Variants in LCORL observed in about 807,000 individuals in gnomAD.
LCORL encodes the protein ligand dependent nuclear receptor corepressor like.
Under a neutral mutation model 141.8 loss-of-function variants are expected in LCORL, and 41 were observed. That is an observed-to-expected ratio of 0.29 (90% CI 0.23 to 0.38). LCORL has a LOEUF of 0.38. LCORL is among the 10% of genes least tolerant of loss of function. The pLI is 1.00. For synonymous variants in LCORL, 618 were observed against 694.1 expected (o/e 0.89, Z 1.72); for missense variants, 1,759 against 2,035.0 (o/e 0.86, Z 2.61).
At chr4:18,017,419 T>C (rs955704907) in intron 1 of LCORL, among the ~76,000 whole-genome samples, 1 of 152,104 alleles carries the variant, frequency 6.6e-6, no homozygotes, top group South Asian at 2.1e-4. Flanking sequence ...CAGGGATACA[T>C]ATGAGGAATA....
At chr4:17,848,888 T>A (rs1723264095) in intron 7 of LCORL, among the ~76,000 whole-genome samples, 2 of 152,220 alleles carry the variant, frequency 1.3e-5, no homozygotes, top group African/African-American at 4.8e-5. Context: ...ATCCCACACC[T>A]GGCTCGGAGG....
intron 1 of LCORL, among the ~76,000 whole-genome samples, chr4:18,012,132 A>T (rs1723908353): frequency 6.6e-6 from 1 of 152,196 alleles, no homozygotes; most frequent in Non-Finnish European, 1.5e-5. Flanking sequence ...TTTCTCTACT[A>T]CTTATTCAGT....
At chr4:17,942,431 G>A (rs1251713482) in intron 4 of LCORL, among the ~76,000 whole-genome samples, 3 of 152,076 alleles carry the variant, frequency 2.0e-5, no homozygotes, top group Non-Finnish European at 4.4e-5. Context: ...TACTGAATGA[G>A]CCATAAAAGA....
chr4:17,876,231 A>G (rs1187156067), exon 7 of LCORL: 2 of 1,230,878 alleles, frequency 1.6e-6, no homozygotes, highest in Non-Finnish European at 2.0e-6. Context: ...CAGATTTTCA[A>G]GTCTTTTGTT....
intron 4 of LCORL, among the ~76,000 whole-genome samples, chr4:17,923,031 C>T (rs764161586): frequency 1.3e-5 from 2 of 152,188 alleles, no homozygotes; most frequent in Non-Finnish European, 1.5e-5. Context: ...CCCCAACACC[C>T]CTGTTTGCTT....
At position 17,945,062 on chromosome 4, in the gene LCORL, C is replaced by T. The variant is rs555399740; in HGVS notation, c.430+16841G>A. 2.6e-5 allele frequency among the ~76,000 whole-genome samples: 4 copies of T among 152,162 alleles called. No individual in the cohort carries two copies. In the South Asian group the frequency reaches 8.3e-4, roughly 32 times the overall value. ...TTCCCAGGTACAGTATTTAATCACA[C>T]CCTCTGCAAGAATTATAGATTCCTT... is the stretch of plus-strand genomic sequence containing the variant. On this transcript the variant is annotated intron_variant, in intron 4 of 7. Coordinates refer to ENST00000635767, the Ensembl canonical transcript of LCORL.
At position 17,954,036 on chromosome 4, in the gene LCORL, G is replaced by A. The variant is rs1224209729; in HGVS notation, c.430+7867C>T. 4.7e-4 allele frequency among the ~76,000 whole-genome samples: 72 copies of A among 152,242 alleles called. 2 individuals carry two copies. Among genetic ancestry groups the A allele is most frequent in the East Asian group, 3.9e-4 (2 of 5,176 alleles). On this transcript the variant is annotated intron_variant, in intron 4 of 7. Coordinates refer to ENST00000635767, the Ensembl canonical transcript of LCORL. ...AAATTAGCCAGGTGTGGTGGCGGGC[G>A]CCTGTAATCCCAGCTACAGGGGAGG...
At chr4:17,985,226 A>G (rs1330447346) in intron 1 of LCORL, among the ~76,000 whole-genome samples, 1 of 152,076 alleles carries the variant, frequency 6.6e-6, no homozygotes, top group Admixed American at 6.6e-5. Flanking sequence ...CCATGTGGTG[A>G]TGAGAAGTAA....
intron 4 of LCORL, chr4:17,911,916 G>C: frequency 3.8e-6 from 2 of 529,346 alleles, no homozygotes; most frequent in South Asian, 3.2e-5. Context: ...AGAACGAGGA[G>C]GAGACCATGC....
At chr4:17,935,498 C>A (rs950102057) in intron 4 of LCORL, among the ~76,000 whole-genome samples, 2 of 152,132 alleles carry the variant, frequency 1.3e-5, no homozygotes, top group Non-Finnish European at 2.9e-5. Flanking sequence ...TCAAAGATGG[C>A]TTGGTGCTAT....
chr4:17,929,417 T>TA lies in LCORL; in HGVS notation c.431-20073dup, dbSNP rs1735655228. 2.0e-5 allele frequency among the ~76,000 whole-genome samples: 3 copies of TA among 152,280 alleles called. No individual in the cohort carries two copies. In the South Asian group the frequency reaches 6.2e-4, roughly 32 times the overall value. The stretch of plus-strand genomic sequence containing the variant: ...ATAGTCAAGACTAGGTGTTACTAGA[T>TA]AGACATGTAGAACAATGGAAAAGAA... On this transcript the variant is annotated intron_variant, in intron 4 of 7. Coordinates refer to ENST00000635767, the Ensembl canonical transcript of LCORL.
intron 4 of LCORL, among the ~76,000 whole-genome samples, chr4:17,910,960 A>G (rs768645571): frequency 2.1e-4 from 32 of 152,174 alleles, no homozygotes; most frequent in Non-Finnish European, 4.0e-4. Context: ...GGAAAGAGGG[A>G]CACTATTCGT....
intron 3 of LCORL, 91 bp from the exon 4 acceptor site, chr4:17,962,123 A>C: frequency 1.3e-6 from 1 of 779,786 alleles, no homozygotes; most frequent in Non-Finnish European, 2.0e-6. Context: ...AATGCTCTAA[A>C]TGCCCATTTG....
chr4:17,902,243 A>C (rs867301441), intron 5 of LCORL, among the ~76,000 whole-genome samples: 1 of 152,132 alleles, frequency 6.6e-6, no homozygotes, highest in Non-Finnish European at 1.5e-5. Flanking sequence ...GAAGCCATTA[A>C]AGGATTTTCA....
intron 4 of LCORL, among the ~76,000 whole-genome samples, chr4:17,959,108 G>T (rs1362056303): frequency 3.9e-5 from 6 of 152,008 alleles, no homozygotes; most frequent in Non-Finnish European, 8.8e-5. Flanking sequence ...TCTTGAGACG[G>T]TTTAATGCCA....
In LCORL at chr4:18,021,688, C is replaced by T; in HGVS notation, c.64G>A (p.Ala22Thr). The change falls in exon 1 of 8, where the codon GCT (alanine) becomes ACT (threonine). Residue 22 changes from alanine (A) to threonine (T), a missense_variant. By Grantham distance (58) the Ala-to-Thr change is moderately conservative (BLOSUM62 0). Coordinates refer to ENST00000635767, the Ensembl canonical transcript of LCORL. The surrounding 1 kb of genome is among the most constrained non-coding windows in gnomAD (Gnocchi z 5.5). Reference sequence around the variant, plus strand: ...GCGCACCGAGGGCTCCGGCACTGAGCGGCGGCGGCGGCGGCGGCAGCAGCG... The same window carrying T: ...GCGCACCGAGGGCTCCGGCACTGAGTGGCGGCGGCGGCGGCGGCAGCAGCG... 1 of 1,484,006 alleles carries T rather than the reference C, an allele frequency of 6.7e-7. No individual in the cohort carries two copies. The highest frequency in any genetic ancestry group is 2.7e-5 in the East Asian group (1 of 37,452). 91.9% of individuals were successfully genotyped at this position (1,484,006 alleles called of 1,614,324 possible). A position where few individuals can be genotyped will look rare whatever the true frequency, so the allele number is the denominator to read the frequency against.
At chr4:17,901,509 T>C (rs1251559600) in intron 5 of LCORL, among the ~76,000 whole-genome samples, 1 of 152,086 alleles carries the variant, frequency 6.6e-6, no homozygotes, top group Non-Finnish European at 1.5e-5. Flanking sequence ...ATGATAATCA[T>C]GTATGTAATT....
intron 5 of LCORL, among the ~76,000 whole-genome samples, chr4:17,886,388 A>C (rs1055717410): frequency 6.6e-6 from 1 of 152,046 alleles, no homozygotes. Context: ...GGAAGAAACT[A>C]ACTAAATATA....
At chr4:17,963,155 T>G (rs1714184243) in intron 2 of LCORL, 106 bp from the exon 3 acceptor site, 1 of 514,266 alleles carries the variant, frequency 1.9e-6, no homozygotes, top group African/African-American at 2.0e-5. Context: ...TTTAAAAAAC[T>G]AACAGTAATG....
Sources: allele counts gnomAD v4.1 joint callset (sites outside exome capture counted in the v4.1 genomes callset), GRCh38; gene constraint gnomAD v4.1.1; non-coding constraint Gnocchi (gnomAD v3.1); transcripts MANE v1.5; gene names NCBI Gene and HGNC (gene_info 2026-07-23, HGNC 2026-07-21).